The following NEDD4L variants were observed in gnomAD, a reference collection of about 807,000 sequenced individuals.
NEDD4L encodes the protein E3 ubiquitin-protein ligase NEDD4-like.
In NEDD4L, 54 loss-of-function variants were observed where a neutral mutation model predicts 148.9. That is an observed-to-expected ratio of 0.36 (90% CI 0.29 to 0.45). NEDD4L has a LOEUF of 0.45. Ranked by LOEUF, NEDD4L falls within the 20% of genes least tolerant of loss-of-function variation. The pLI is 1.00. For missense variants in NEDD4L, 856 were observed against 1,233.8 expected (o/e 0.69, Z 4.59); for synonymous variants, 433 against 440.7 (o/e 0.98, Z 0.22).
intron 5 of NEDD4L, among the ~76,000 whole-genome samples, chr18:58,259,730 C>T (rs539369279): frequency 8.1e-4 from 123 of 152,238 alleles, no homozygotes; most frequent in Admixed American, 1.7e-3. Context: ...AGGGCCCACC[C>T]GGACAAAAGC....
intron 1 of NEDD4L, chr18:58,091,535 C>G (rs1014199332): frequency 1.3e-5 from 2 of 152,252 alleles, no homozygotes; most frequent in African/African-American, 4.8e-5. Flanking sequence ...AGTACCTGCT[C>G]CCTTCACTGA....
intron 30 of NEDD4L, among the ~76,000 whole-genome samples, chr18:58,392,634 A>G (rs1302853689): frequency 1.3e-5 from 2 of 152,188 alleles, no homozygotes; most frequent in East Asian, 3.8e-4. Context: ...CTCCAGCCTA[A>G]AATTCATGAA....
intron 3 of NEDD4L, 148 bp downstream of exon 3, chr18:58,245,656 A>AAGTGCAT (rs1195077736): frequency 2.4e-6 from 1 of 417,972 alleles, no homozygotes; most frequent in African/African-American, 2.1e-5. Flanking sequence ...TGCCATATAC[A>AAGTGCAT]AGTGCATCAC....
chr18:58,328,843 G>C (rs2059544204), intron 9 of NEDD4L, among the ~76,000 whole-genome samples, 152 bp from the exon 10 acceptor site: 1 of 152,192 alleles, frequency 6.6e-6, no homozygotes, highest in Non-Finnish European at 1.5e-5. Context: ...TAATATGGTG[G>C]GAGAATTCTC....
At chr18:58,080,286 T>G (rs1258839518) in intron 1 of NEDD4L, among the ~76,000 whole-genome samples, 1 of 152,254 alleles carries the variant, frequency 6.6e-6, no homozygotes, top group Non-Finnish European at 1.5e-5. Context: ...CTCCGGCATA[T>G]GCACAGCAGT....
intron 5 of NEDD4L, among the ~76,000 whole-genome samples, chr18:58,307,868 A>T (rs953160232): frequency 6.6e-6 from 1 of 152,216 alleles, no homozygotes; most frequent in Non-Finnish European, 1.5e-5. Flanking sequence ...TCAGATTAAG[A>T]TCTGTTCTTT....
At chr18:58,209,926 G>T (rs907291992) in intron 2 of NEDD4L, among the ~76,000 whole-genome samples, 4 of 152,206 alleles carry the variant, frequency 2.6e-5, no homozygotes, top group East Asian at 1.9e-4. Flanking sequence ...TAGCACTTTG[G>T]GAGGCCAAGG....
chr18:58,160,375 A>G (rs191809033), intron 1 of NEDD4L, among the ~76,000 whole-genome samples: 95 of 152,346 alleles, frequency 6.2e-4, no homozygotes, highest in African/African-American at 2.2e-3. Context: ...TACAAAATTC[A>G]GTGTAAAAGA....
chr18:58,273,238 A>G (rs1197401852), intron 5 of NEDD4L, among the ~76,000 whole-genome samples: 1 of 152,262 alleles, frequency 6.6e-6, no homozygotes, highest in Non-Finnish European at 1.5e-5. Context: ...CATCTGATAT[A>G]TAAATAGCAT....
At position 58,070,696 on chromosome 18, in the gene NEDD4L, ACACCCACACGCCCTCTCACCTACC is replaced by A. The variant is rs1263140506; in HGVS notation, c.48+25996_48+26019del. Among the ~76,000 whole-genome samples the A allele has an allele frequency of 1.0e-3, 153 of 152,106 alleles. 4 individuals carry two copies. Among genetic ancestry groups the A allele is most frequent in the Non-Finnish European group, 2.6e-4 (18 of 67,976 alleles). ...GTGTTGAAGGCATGCCCCAATACCC[ACACCCACACGCCCTCTCACCTACC>A]CACCCACCCACCCTTAGTAAAGGCT... On this transcript the variant is annotated intron_variant, in intron 1 of 30. Transcript: ENST00000400345.
Position 58,256,015 on chromosome 18 carries a change from G to A in NEDD4L, c.297+3961G>A, listed in dbSNP as rs1001524625. ...CTCCATGCGCAACGCCCGACCCCAGGGACCAGGCCTCCGCCACTGCCACCA... is the reference window on the plus strand; with the variant it reads ...CTCCATGCGCAACGCCCGACCCCAGAGACCAGGCCTCCGCCACTGCCACCA... On this transcript the variant is annotated intron_variant, in intron 5 of 30. Coordinates refer to ENST00000400345, the MANE Select transcript of NEDD4L (RefSeq NM_001144967.3). The surrounding 1 kb of genome is among the most constrained non-coding windows in gnomAD (Gnocchi z 5.2). 5 of 1,230,166 alleles carry A rather than the reference G, an allele frequency of 4.1e-6. No homozygotes were observed. In the African/African-American group the frequency reaches 6.2e-5, roughly 15 times the overall value. 76.2% of individuals were successfully genotyped at this position (1,230,166 alleles called of 1,614,324 possible). A position where few individuals can be genotyped will look rare whatever the true frequency, so the allele number is the denominator to read the frequency against.
intron 18 of NEDD4L, among the ~76,000 whole-genome samples, chr18:58,356,970 GC>G (rs1348546977): frequency 6.6e-6 from 1 of 152,118 alleles, no homozygotes; most frequent in African/African-American, 2.4e-5. Flanking sequence ...CTTTAGTTGT[GC>G]ATTTTTGATT....
intron 5 of NEDD4L, among the ~76,000 whole-genome samples, chr18:58,310,021 C>T (rs183441464): frequency 1.3e-5 from 2 of 152,126 alleles, no homozygotes; most frequent in African/African-American, 2.4e-5. Flanking sequence ...TGCGCTTGCT[C>T]TCGCTCTCGC....
chr18:58,235,558 A>G (rs1194814573), intron 2 of NEDD4L, among the ~76,000 whole-genome samples: 2 of 152,150 alleles, frequency 1.3e-5, no homozygotes, highest in African/African-American at 4.8e-5. Flanking sequence ...TTCCCTGAGT[A>G]GTTCCTGCCG....
chr18:58,206,227 A>T (rs568286262), intron 2 of NEDD4L, among the ~76,000 whole-genome samples: 146 of 152,208 alleles, frequency 9.6e-4, no homozygotes, highest in African/African-American at 3.4e-3. Flanking sequence ...TGTCTCTACT[A>T]AAAATACAAA....
rs938219804 is a variant in NEDD4L at position 58,256,006 on chromosome 18, C to T, written c.297+3952C>T. On this transcript the variant is annotated intron_variant, in intron 5 of 30. Coordinates refer to ENST00000400345, the MANE Select transcript of NEDD4L (RefSeq NM_001144967.3). This position sits in a 1 kb window ranked among gnomAD's most constrained non-coding sequence, Gnocchi z 5.2. ...ACGATGGGCCTCCATGCGCAACGCC[C>T]GACCCCAGGGACCAGGCCTCCGCCA... The T allele has an allele frequency of 1.3e-5, 16 of 1,230,482 alleles. No individual in the cohort carries two copies. The South Asian group carries it at 1.6e-4, about 13-fold the overall frequency. 76.2% of individuals were successfully genotyped at this position (1,230,482 alleles called of 1,614,324 possible). A position where few individuals can be genotyped will look rare whatever the true frequency, so the allele number is the denominator to read the frequency against.
intron 2 of NEDD4L, among the ~76,000 whole-genome samples, chr18:58,243,774 T>G (rs527367573): frequency 2.6e-5 from 4 of 151,974 alleles, no homozygotes; most frequent in Admixed American, 2.6e-4. Context: ...TTTAACCAAA[T>G]AAAGGTTTAC....
chr18:58,083,425 C>A (rs182491369), intron 1 of NEDD4L, among the ~76,000 whole-genome samples: 1 of 152,138 alleles, frequency 6.6e-6, no homozygotes, highest in South Asian at 2.1e-4. Context: ...CGGTGGCTCA[C>A]GCCTGTAATC....
intron 10 of NEDD4L, among the ~76,000 whole-genome samples, chr18:58,330,441 T>A (rs2059696665): frequency 6.6e-6 from 1 of 152,178 alleles, no homozygotes. Flanking sequence ...TGTTATAAAG[T>A]GGTTAAGAGC....
Sources: allele counts gnomAD v4.1 joint callset (sites outside exome capture counted in the v4.1 genomes callset), GRCh38; gene constraint gnomAD v4.1.1; non-coding constraint Gnocchi (gnomAD v3.1); transcripts MANE v1.5; gene names NCBI Gene and HGNC (gene_info 2026-07-23, HGNC 2026-07-21).